Variants in ASAP2 observed in about 807,000 individuals in gnomAD.
ASAP2 encodes ArfGAP with SH3 domain, ankyrin repeat and PH domain 2, also known as arf-GAP with SH3 domain, ANK repeat and PH domain-containing protein 2.
A neutral mutation model predicts 131.4 loss-of-function variants in ASAP2; 45 were observed. The ratio of observed to expected loss-of-function variants is 0.34; its 90% confidence interval spans 0.27 to 0.44. ASAP2 has a LOEUF of 0.44. Among genes scored for constraint, ASAP2 ranks in the 20% least tolerant of loss-of-function variants. ASAP2 has a pLI of 1.00. For missense variants in ASAP2, 1,011 were observed against 1,297.0 expected, an observed-to-expected ratio of 0.78 and a Z score of 3.39; for synonymous variants, 510 against 503.0, an observed-to-expected ratio of 1.01 and a Z score of -0.19.
intron 18 of ASAP2, among the ~76,000 whole-genome samples, chr2:9,377,919 C>T (rs1302181507): frequency 6.6e-6 from 1 of 152,034 alleles, no homozygotes; most frequent in South Asian, 2.1e-4. Context: ...AGTGCCAGCC[C>T]GGCTCCTAGA....
intron 24 of ASAP2, 131 bp downstream of exon 24, chr2:9,393,778 G>A (rs891488033): frequency 8.5e-5 from 80 of 940,546 alleles, no homozygotes; most frequent in South Asian, 1.5e-4. Context: ...CTAATTCATC[G>A]GGGCTGAAGG....
intron 16 of ASAP2, among the ~76,000 whole-genome samples, chr2:9,369,814 G>A (rs910178084): frequency 2.0e-5 from 3 of 152,170 alleles, no homozygotes; most frequent in African/African-American, 7.2e-5. Flanking sequence ...TCACAAATAG[G>A]TGGTAGTGTA....
At chr2:9,252,959 G>A (rs1332988711) in intron 1 of ASAP2, among the ~76,000 whole-genome samples, 3 of 151,306 alleles carry the variant, frequency 2.0e-5, no homozygotes, top group Admixed American at 6.6e-5. Context: ...CAGATAGTGC[G>A]TGGGCCCAAT....
intron 1 of ASAP2, among the ~76,000 whole-genome samples, chr2:9,218,806 T>C (rs142344442): frequency 6.6e-6 from 1 of 152,330 alleles, no homozygotes; most frequent in East Asian, 1.9e-4. Flanking sequence ...TTGGCTGTCG[T>C]CTCTGTTTTT....
rs73912992 is a variant in ASAP2 at position 9,227,038 on chromosome 2, C to T, written c.126+19808C>T. ...CAGGTGTTCGGGTCCTGCTCCCTGGCGAGAAGGAAGTATGTGTGAGAGAGT... is the reference window on the plus strand; with the variant it reads ...CAGGTGTTCGGGTCCTGCTCCCTGGTGAGAAGGAAGTATGTGTGAGAGAGT... On this transcript the variant is annotated intron_variant, in intron 1 of 27. Transcript: ENST00000281419. 5.0e-3 allele frequency among the ~76,000 whole-genome samples: 758 copies of T among 152,206 alleles called. 5 individuals carry two copies. The highest frequency in any genetic ancestry group is 0.017 in the African/African-American group (712 of 41,516).
chr2:9,218,140 A>G (rs1420524938), intron 1 of ASAP2, among the ~76,000 whole-genome samples: 3 of 152,010 alleles, frequency 2.0e-5, no homozygotes, highest in Non-Finnish European at 2.9e-5. Context: ...ACTCTTCTTG[A>G]TCTTTTAATG....
In ASAP2 at chr2:9,340,201, TTAG is replaced by T. The variant is rs1229239736; in HGVS notation, c.850-4327_850-4325del. Among the ~76,000 whole-genome samples, 3 of 152,292 alleles carry T rather than the reference TTAG, an allele frequency of 2.0e-5. No homozygotes were observed. The East Asian group carries it at 5.8e-4, about 29-fold the overall frequency. On this transcript the variant is annotated intron_variant, in intron 9 of 27. Transcript: ENST00000281419. Reference sequence around the variant, plus strand: ...CCACGCCTGGCTAATTTTTGTAGTTTTAGTAGAGACGGGGTTTCACCATGTTGG... The same window carrying T: ...CCACGCCTGGCTAATTTTTGTAGTTTTAGAGACGGGGTTTCACCATGTTGG...
At chr2:9,288,316 C>T (rs956954083) in intron 2 of ASAP2, among the ~76,000 whole-genome samples, 6 of 152,164 alleles carry the variant, frequency 3.9e-5, no homozygotes, top group African/African-American at 7.2e-5. Context: ...TATTTCTACA[C>T]GTATGTCATC....
chr2:9,355,316 C>G (rs1672622980), intron 12 of ASAP2, among the ~76,000 whole-genome samples: 1 of 152,154 alleles, frequency 6.6e-6, no homozygotes, highest in Non-Finnish European at 1.5e-5. Flanking sequence ...TTTCATGATG[C>G]CTTCTTAAAG....
chr2:9,339,752 T>C (rs868656995), intron 9 of ASAP2, among the ~76,000 whole-genome samples: 1 of 152,214 alleles, frequency 6.6e-6, no homozygotes. Flanking sequence ...TTCTTCACTA[T>C]CTGACTCAAG....
Position 9,232,889 on chromosome 2 carries a change from G to T in ASAP2, c.126+25659G>T, listed in dbSNP as rs1174624755. Among the ~76,000 whole-genome samples, 1 of 152,206 alleles carries T rather than the reference G, an allele frequency of 6.6e-6. No homozygotes were observed. Among genetic ancestry groups the T allele is most frequent in the East Asian group, 1.9e-4 (1 of 5,198 alleles). On this transcript the variant is annotated intron_variant, in intron 1 of 27. Transcript: ENST00000281419. The surrounding 1 kb of genome is among the most constrained non-coding windows in gnomAD (Gnocchi z 4.1). ...AAAGTAAAAATATGTTTGTGCCCTT[G>T]TACAGAGGGGCTGCCTTGCCCTTCT... is the stretch of plus-strand genomic sequence containing the variant.
chr2:9,398,152 T>C (rs1443434208), intron 24 of ASAP2, among the ~76,000 whole-genome samples: 1 of 152,034 alleles, frequency 6.6e-6, no homozygotes, highest in African/African-American at 2.4e-5. Context: ...TGTTTTTTTA[T>C]GTAGTCTGGG....
intron 24 of ASAP2, among the ~76,000 whole-genome samples, chr2:9,395,308 A>G (rs564821520): frequency 6.6e-6 from 1 of 152,020 alleles, no homozygotes; most frequent in African/African-American, 2.4e-5. Context: ...CCCCACCTCT[A>G]CTAAAAATAC....
At chr2:9,241,176 G>A (rs1436115542) in intron 1 of ASAP2, among the ~76,000 whole-genome samples, 1 of 152,218 alleles carries the variant, frequency 6.6e-6, no homozygotes, top group Admixed American at 6.5e-5. Context: ...ATTCTAAGAT[G>A]AAATATTATT....
chr2:9,357,334 C>T (rs1325954047), intron 14 of ASAP2, among the ~76,000 whole-genome samples: 1 of 151,986 alleles, frequency 6.6e-6, no homozygotes, highest in Non-Finnish European at 1.5e-5. Flanking sequence ...CCATAATTAG[C>T]CCGGCGTGGT....
At chr2:9,238,712 A>G (rs1334193661) in intron 1 of ASAP2, among the ~76,000 whole-genome samples, 1 of 152,132 alleles carries the variant, frequency 6.6e-6, no homozygotes, top group African/African-American at 2.4e-5. Context: ...TAATTTACAT[A>G]CAATGAAATT....
chr2:9,300,596 C>T (rs1465047388), intron 3 of ASAP2, among the ~76,000 whole-genome samples: 2 of 152,190 alleles, frequency 1.3e-5, no homozygotes, highest in Non-Finnish European at 2.9e-5. Context: ...GAGCACCCAC[C>T]GGTGTAGCAA....
At chr2:9,370,829 T>C (rs901761951) in intron 16 of ASAP2, among the ~76,000 whole-genome samples, 2 of 152,160 alleles carry the variant, frequency 1.3e-5, no homozygotes, top group African/African-American at 4.8e-5. Context: ...AAGGAGCTCT[T>C]CCTGGGCGAG....
intron 27 of ASAP2, among the ~76,000 whole-genome samples, chr2:9,402,959 C>G (rs900515285): frequency 2.0e-5 from 3 of 152,166 alleles, no homozygotes; most frequent in Admixed American, 1.3e-4. Context: ...AAGTAGTGGT[C>G]AGACAGCTGA....
Sources: gnomAD v4.1 joint callset for allele counts (sites outside exome capture counted in the v4.1 genomes callset) on GRCh38, gnomAD v4.1.1 for gene constraint, Gnocchi (gnomAD v3.1) non-coding constraint, MANE v1.5 for transcripts, NCBI Gene and HGNC (gene_info 2026-07-23, HGNC 2026-07-21) for gene names.